Variants in XPNPEP3 observed in about 807,000 individuals in gnomAD.
XPNPEP3 encodes the protein xaa-Pro aminopeptidase 3.
Under a neutral mutation model 60.0 loss-of-function variants are expected in XPNPEP3, and 41 were observed. The observed-to-expected ratio is 0.68, with a 90% CI of 0.53 to 0.89. XPNPEP3 has a LOEUF of 0.89. Ranked by LOEUF, XPNPEP3 falls within the 40% of genes least tolerant of loss-of-function variation. The probability of loss-of-function intolerance (pLI) is 0.00; values close to 1 mark genes in which losing one functional copy is unlikely to be tolerated. For missense variants in XPNPEP3, 598 were observed against 638.9 expected (o/e 0.94, Z 0.69); for synonymous variants, 212 against 223.2 (o/e 0.95, Z 0.45).
intron 7 of XPNPEP3, among the ~76,000 whole-genome samples, chr22:40,916,313 A>G (rs113146828): frequency 0.018 from 2,742 of 151,982 alleles, 47 homozygotes; most frequent in Non-Finnish European, 0.028. Context: ...AAAAAAAAAG[A>G]AAGAAATGAT....
At chr22:40,920,021 G>A (rs2058210514) in intron 7 of XPNPEP3, among the ~76,000 whole-genome samples, 1 of 152,060 alleles carries the variant, frequency 6.6e-6, no homozygotes, top group Non-Finnish European at 1.5e-5. Context: ...GGCAAACTAA[G>A]GTCAAAATAA....
chr22:40,882,266 C>T (rs766927626), intron 3 of XPNPEP3, 89 bp downstream of exon 3: 54 of 1,391,438 alleles, frequency 3.9e-5, no homozygotes, highest in African/African-American at 1.4e-4. Flanking sequence ...ATTTTGTTAT[C>T]GTAGCACCAC....
chr22:40,909,503 G>A (rs1015844260), intron 6 of XPNPEP3, among the ~76,000 whole-genome samples: 2 of 152,146 alleles, frequency 1.3e-5, no homozygotes, highest in African/African-American at 4.8e-5. Context: ...GGTAGCTCAG[G>A]CCTGTAATCC....
At chr22:40,872,339 G>A (rs1008440867) in intron 2 of XPNPEP3, among the ~76,000 whole-genome samples, 4 of 152,142 alleles carry the variant, frequency 2.6e-5, no homozygotes. Context: ...TGTATCGGTA[G>A]AGATGGAAAA....
chr22:40,867,472 T>G (rs1258444344), intron 1 of XPNPEP3, among the ~76,000 whole-genome samples: 4 of 152,172 alleles, frequency 2.6e-5, no homozygotes, highest in African/African-American at 4.8e-5. Context: ...TGTAGAAGAT[T>G]GTTTAGAAAA....
At chr22:40,871,859 C>T (rs1378916392) in intron 2 of XPNPEP3, among the ~76,000 whole-genome samples, 1 of 152,134 alleles carries the variant, frequency 6.6e-6, no homozygotes, top group Admixed American at 6.5e-5. Context: ...ATAGTGAAAT[C>T]CCGTCTCTAC....
intron 4 of XPNPEP3, chr22:40,888,541 G>T: frequency 4.6e-6 from 1 of 216,290 alleles, no homozygotes; most frequent in Non-Finnish European, 9.8e-6. Flanking sequence ...GCCATGCCCA[G>T]CTTCATTCTT....
At chr22:40,892,838 T>C (rs1204448936) in intron 4 of XPNPEP3, among the ~76,000 whole-genome samples, 2 of 152,018 alleles carry the variant, frequency 1.3e-5, no homozygotes, top group Non-Finnish European at 2.9e-5. Flanking sequence ...TACCTTGTTA[T>C]TTATTTTTGT....
rs544020656 is a variant in XPNPEP3 at position 40,882,491 on chromosome 22, G to T, written c.589+314G>T. Among the ~76,000 whole-genome samples the T allele has an allele frequency of 7.2e-5, 11 of 152,224 alleles. No homozygotes were observed. The South Asian group carries it at 2.3e-3, about 32-fold the overall frequency. The stretch of plus-strand genomic sequence containing the variant: ...GTCTCTACTAAAAATAGAAAAATTA[G>T]CCAGGCATGGTCGCAGGCGCCTGTA... On this transcript the variant is annotated intron_variant, in intron 3 of 9. Transcript: ENST00000357137.
At chr22:40,872,810 T>C (rs1032927936) in intron 2 of XPNPEP3, among the ~76,000 whole-genome samples, 1 of 152,028 alleles carries the variant, frequency 6.6e-6, no homozygotes, top group Non-Finnish European at 1.5e-5. Context: ...GCTTCCATGG[T>C]TCCCTGATTA....
At chr22:40,863,989 G>C (rs2057965062) in intron 1 of XPNPEP3, among the ~76,000 whole-genome samples, 1 of 152,182 alleles carries the variant, frequency 6.6e-6, no homozygotes, top group African/African-American at 2.4e-5. Context: ...TCCCAATCCA[G>C]ACCCCAAGAG....
intron 4 of XPNPEP3, among the ~76,000 whole-genome samples, chr22:40,889,077 G>A (rs561314650): frequency 2.3e-4 from 35 of 151,964 alleles, no homozygotes; most frequent in Non-Finnish European, 4.7e-4. Context: ...TATTGCTCAG[G>A]TTGGAGTGCA....
At chr22:40,871,218 G>A (rs1217821231) in intron 2 of XPNPEP3, among the ~76,000 whole-genome samples, 1 of 151,890 alleles carries the variant, frequency 6.6e-6, no homozygotes, top group Non-Finnish European at 1.5e-5. Flanking sequence ...AAAAAAATTA[G>A]TGCTCCTGCC....
At chr22:40,905,375 G>A (rs373350093) in intron 4 of XPNPEP3, among the ~76,000 whole-genome samples, 8 of 152,138 alleles carry the variant, frequency 5.3e-5, no homozygotes, top group African/African-American at 1.4e-4. Flanking sequence ...CACCACACCC[G>A]GCCCCTTTAA....
intron 4 of XPNPEP3, among the ~76,000 whole-genome samples, chr22:40,901,431 C>T (rs1252184372): frequency 6.6e-6 from 1 of 152,006 alleles, no homozygotes; most frequent in African/African-American, 2.4e-5. Context: ...GATGGGGTTT[C>T]TCCATGTTGG....
intron 4 of XPNPEP3, among the ~76,000 whole-genome samples, chr22:40,892,436 C>T (rs1601505491): frequency 6.6e-6 from 1 of 152,132 alleles, no homozygotes; most frequent in South Asian, 2.1e-4. Flanking sequence ...CTGCCCGCCT[C>T]GGCCTCCCAA....
chr22:40,912,925 C>G (rs1462937784), intron 6 of XPNPEP3, among the ~76,000 whole-genome samples: 1 of 152,082 alleles, frequency 6.6e-6, no homozygotes, highest in African/African-American at 2.4e-5. Context: ...TAGTTGTTTA[C>G]TAACAGAAAT....
chr22:40,857,229 C>G lies in XPNPEP3; in HGVS notation c.48C>G (p.Asn16Lys). 1.2e-6 allele frequency: 2 copies of G among 1,614,210 alleles called. No homozygotes were observed. The highest frequency in any genetic ancestry group is 1.1e-5 in the South Asian group (1 of 91,084). The change falls in exon 1 of 10, where the codon AAC becomes AAG. Residue 16 changes from asparagine to lysine, a missense_variant. Transcript: ENST00000357137. ...CCAAGCTGGTTCCCGCTGTAGCAAA[C>G]GTCCGCGGCCTCTCAGGTTAGACTC... is the stretch of plus-strand genomic sequence containing the variant. ...SAPKLVPAVA[N>K]VRGLSGCMLC...
rs2058252265 is a variant in XPNPEP3 at position 40,930,840 on chromosome 22, A to C, written c.*4405A>C. 1 of 151,462 alleles carries C rather than the reference A, an allele frequency of 6.6e-6. No individual in the cohort carries two copies. The highest frequency in any genetic ancestry group is 2.4e-5 in the African/African-American group (1 of 41,010). The allele number at this position is 151,462 out of a possible 1,614,324, so 9.4% of individuals were successfully genotyped here. A position where few individuals can be genotyped will look rare whatever the true frequency, so the allele number is the denominator to read the frequency against. On this transcript the variant is annotated 3_prime_UTR_variant, in exon 10 of 10. Coordinates refer to ENST00000357137, the MANE Select transcript of XPNPEP3 (RefSeq NM_022098.4). ...CACCTCAGCTTCCCAAACTGCTGGGATTACAGGCATGAGCCACGGCCCCCA... is the reference window on the plus strand; with the variant it reads ...CACCTCAGCTTCCCAAACTGCTGGGCTTACAGGCATGAGCCACGGCCCCCA...
Sources: allele counts gnomAD v4.1 joint callset (sites outside exome capture counted in the v4.1 genomes callset), GRCh38; gene constraint gnomAD v4.1.1; transcripts MANE v1.5; gene names NCBI Gene and HGNC (gene_info 2026-07-23, HGNC 2026-07-21).